Variants in TSPAN5 observed in about 807,000 individuals in gnomAD.
The protein encoded by TSPAN5 is tetraspanin-5.
TSPAN5 carries 10 observed loss-of-function variants against 37.1 expected under a neutral mutation model. The ratio of observed to expected loss-of-function variants is 0.27; its 90% confidence interval spans 0.17 to 0.46. The LOEUF is 0.46. Ranked by LOEUF, TSPAN5 falls within the 20% of genes least tolerant of loss-of-function variation. The pLI is 1.00. For missense variants in TSPAN5, 195 were observed against 326.6 expected (o/e 0.60, Z 3.11); for synonymous variants, 110 against 118.9 (o/e 0.93, Z 0.48).
chr4:98,655,735 G>C (rs1757282236), intron 1 of TSPAN5, among the ~76,000 whole-genome samples: 1 of 152,200 alleles, frequency 6.6e-6, no homozygotes, highest in African/African-American at 2.4e-5. Flanking sequence ...TCAGAAGCAA[G>C]CTGCCAAGCT....
chr4:98,478,017 T>C (rs1264915635), intron 5 of TSPAN5, among the ~76,000 whole-genome samples: 1 of 152,144 alleles, frequency 6.6e-6, no homozygotes, highest in East Asian at 1.9e-4. Context: ...CAAAATATAA[T>C]CAAACCTGTG....
intron 2 of TSPAN5, among the ~76,000 whole-genome samples, chr4:98,490,984 C>A (rs2110269127): frequency 6.6e-6 from 1 of 152,156 alleles, no homozygotes; most frequent in Non-Finnish European, 1.5e-5. Flanking sequence ...ATGGCGTGAA[C>A]CCGGGAGGCG....
At chr4:98,486,639 CT>C in intron 3 of TSPAN5, 98 bp downstream of exon 3, 1 of 1,445,972 alleles carries the variant, frequency 6.9e-7, no homozygotes, top group Non-Finnish European at 9.7e-7. Flanking sequence ...TGGCCAGTGC[CT>C]TTGGTACAGC....
At chr4:98,644,952 G>A (rs1402929854) in intron 1 of TSPAN5, among the ~76,000 whole-genome samples, 3 of 152,100 alleles carry the variant, frequency 2.0e-5, no homozygotes, top group African/African-American at 7.2e-5. Context: ...TTACCTCTAG[G>A]GATCCATCCA....
intron 1 of TSPAN5, among the ~76,000 whole-genome samples, chr4:98,621,151 C>T (rs889975802): frequency 2.0e-5 from 3 of 152,066 alleles, no homozygotes; most frequent in East Asian, 1.9e-4. Context: ...CAGGTTTATA[C>T]ACCACGGAAT....
intron 1 of TSPAN5, among the ~76,000 whole-genome samples, chr4:98,639,985 G>GCACT (rs1162462202): frequency 2.0e-5 from 3 of 152,148 alleles, no homozygotes; most frequent in African/African-American, 7.2e-5. Flanking sequence ...ATTCTGAAAG[G>GCACT]CACTAACTTA....
chr4:98,531,796 T>A (rs1171980140), intron 1 of TSPAN5, among the ~76,000 whole-genome samples: 2 of 152,204 alleles, frequency 1.3e-5, no homozygotes, highest in African/African-American at 2.4e-5. Flanking sequence ...GGTTTTGATT[T>A]GTGGTCTAAT....
intron 1 of TSPAN5, among the ~76,000 whole-genome samples, chr4:98,522,861 C>G (rs1414023261): frequency 6.6e-6 from 1 of 152,164 alleles, no homozygotes; most frequent in Non-Finnish European, 1.5e-5. Flanking sequence ...TCAGTTTTTC[C>G]TCTTTCCAAC....
intron 1 of TSPAN5, among the ~76,000 whole-genome samples, chr4:98,535,726 C>T (rs1370905511): frequency 7.2e-5 from 11 of 152,096 alleles, no homozygotes; most frequent in Non-Finnish European, 1.6e-4. Flanking sequence ...AGGCTTTGCT[C>T]GTTCCTTTTT....
At chr4:98,476,054 T>C (rs1429318397) in intron 7 of TSPAN5, 135 bp downstream of exon 7, 1 of 583,944 alleles carries the variant, frequency 1.7e-6, no homozygotes, top group African/African-American at 1.8e-5. Context: ...CCAAATCGTT[T>C]AGGTCTGTTC....
At chr4:98,570,647 T>C (rs1008740784) in intron 1 of TSPAN5, among the ~76,000 whole-genome samples, 6 of 152,056 alleles carry the variant, frequency 3.9e-5, no homozygotes, top group African/African-American at 1.4e-4. Context: ...CTGAGCCAGC[T>C]TAGAGCCAGG....
intron 1 of TSPAN5, among the ~76,000 whole-genome samples, chr4:98,545,769 C>T (rs1250893607): frequency 4.6e-5 from 7 of 152,124 alleles, no homozygotes; most frequent in Non-Finnish European, 8.8e-5. Flanking sequence ...TGGCCTCAAG[C>T]GATATGCCCA....
chr4:98,515,782 C>A (rs1753714730), intron 1 of TSPAN5, among the ~76,000 whole-genome samples: 1 of 152,122 alleles, frequency 6.6e-6, no homozygotes, highest in Non-Finnish European at 1.5e-5. Flanking sequence ...TATACAGTAT[C>A]CCATGCATTT....
intron 5 of TSPAN5, among the ~76,000 whole-genome samples, chr4:98,478,450 T>A (rs982724067): frequency 6.6e-6 from 1 of 152,144 alleles, no homozygotes; most frequent in Non-Finnish European, 1.5e-5. Context: ...GTGCCCAACT[T>A]AAATGAGCCA....
chr4:98,515,043 G>A (rs1277252979), intron 1 of TSPAN5, among the ~76,000 whole-genome samples: 1 of 152,176 alleles, frequency 6.6e-6, no homozygotes, highest in Admixed American at 6.6e-5. Flanking sequence ...TGACATATAA[G>A]CAAAAACACA....
At chr4:98,588,108 T>C (rs1755538199) in intron 1 of TSPAN5, among the ~76,000 whole-genome samples, 1 of 152,178 alleles carries the variant, frequency 6.6e-6, no homozygotes, top group Admixed American at 6.5e-5. Flanking sequence ...ATATTCTGTG[T>C]CACACTTTTC....
rs532259868 is a variant in TSPAN5 at position 98,488,275 on chromosome 4, G to C, written c.133-1391C>G. ...CAGCACTAACCAACATCTGAACTTAGGAGTTTTAAGTTTTAATCCATTTAA... is the reference window on the plus strand; with the variant it reads ...CAGCACTAACCAACATCTGAACTTACGAGTTTTAAGTTTTAATCCATTTAA... On this transcript the variant is annotated intron_variant, in intron 2 of 7. Coordinates refer to ENST00000305798, the MANE Select transcript of TSPAN5 (RefSeq NM_005723.4). 7.2e-5 allele frequency among the ~76,000 whole-genome samples: 11 copies of C among 152,250 alleles called. No homozygotes were observed. The South Asian group carries it at 1.5e-3, about 20-fold the overall frequency.
intron 1 of TSPAN5, among the ~76,000 whole-genome samples, chr4:98,630,733 T>C (rs1282361930): frequency 2.0e-5 from 3 of 152,198 alleles, no homozygotes; most frequent in Admixed American, 2.0e-4. Flanking sequence ...TGAGAAAGTA[T>C]GTGAAGGGCT....
chr4:98,567,011 G>A (rs780255953), intron 1 of TSPAN5, among the ~76,000 whole-genome samples: 6 of 152,354 alleles, frequency 3.9e-5, no homozygotes, highest in Admixed American at 2.0e-4. Context: ...GAGGGTGCAG[G>A]CTCCCGAGTA....
Sources: gnomAD v4.1 joint callset for allele counts (sites outside exome capture counted in the v4.1 genomes callset) on GRCh38, gnomAD v4.1.1 for gene constraint, MANE v1.5 for transcripts, NCBI Gene and HGNC (gene_info 2026-07-23, HGNC 2026-07-21) for gene names.